The following PRKCE variants were observed in gnomAD, a reference collection of about 807,000 sequenced individuals.
The protein encoded by PRKCE is protein kinase C epsilon, also known as protein kinase C epsilon type.
A neutral mutation model predicts 85.4 loss-of-function variants in PRKCE; 16 were observed. That is an observed-to-expected ratio of 0.19 (90% CI 0.13 to 0.28). PRKCE has a LOEUF of 0.28. Among genes scored for constraint, PRKCE ranks in the 10% least tolerant of loss-of-function variants. The pLI, the probability that PRKCE is intolerant of heterozygous loss-of-function variation, is 1.00. For missense variants in PRKCE, 573 were observed against 975.2 expected (o/e 0.59, Z 5.49); for synonymous variants, 388 against 371.5 (o/e 1.04, Z -0.51).
In PRKCE at chr2:45,697,573, G is replaced by A. The variant is rs577859154; in HGVS notation, c.348+45125G>A. 6.6e-6 allele frequency among the ~76,000 whole-genome samples: 1 copy of A among 152,252 alleles called. No individual in the cohort carries two copies. The highest frequency in any genetic ancestry group is 1.9e-4 in the East Asian group (1 of 5,178). ...AGGGTGGACTGGTTGGCATCTCTAT[G>A]TGGGTGGCATCTCTAGCTCTTTCTT... On this transcript the variant is annotated intron_variant, in intron 1 of 14. Coordinates refer to ENST00000306156, the MANE Select transcript of PRKCE (RefSeq NM_005400.3). The surrounding 1 kb of genome is among the most constrained non-coding windows in gnomAD (Gnocchi z 4.2).
intron 10 of PRKCE, among the ~76,000 whole-genome samples, chr2:46,044,345 T>C (rs13420874): frequency 0.5 from 75,397 of 152,006 alleles, 19,523 homozygotes; most frequent in African/African-American, 0.64. Flanking sequence ...AAAGGAGATA[T>C]CAATATTGGC....
intron 11 of PRKCE, among the ~76,000 whole-genome samples, chr2:46,090,800 G>A (rs1346905893): frequency 6.6e-6 from 1 of 152,058 alleles, no homozygotes; most frequent in Non-Finnish European, 1.5e-5. Flanking sequence ...CTGTACATAT[G>A]TGTTTCTGCC....
intron 11 of PRKCE, among the ~76,000 whole-genome samples, chr2:46,111,729 C>T (rs1488678996): frequency 6.6e-6 from 1 of 152,192 alleles, no homozygotes; most frequent in Non-Finnish European, 1.5e-5. Context: ...TATTCACTCT[C>T]AGTTGATGGA....
chr2:45,683,564 C>T (rs372694539), intron 1 of PRKCE, among the ~76,000 whole-genome samples: 5 of 152,106 alleles, frequency 3.3e-5, no homozygotes, highest in African/African-American at 1.2e-4. Context: ...CTCTCAAGTA[C>T]CTTTGCTTCT....
At chr2:45,776,259 C>A (rs1420871570) in intron 1 of PRKCE, among the ~76,000 whole-genome samples, 1 of 152,218 alleles carries the variant, frequency 6.6e-6, no homozygotes, top group East Asian at 1.9e-4. Context: ...GAACACCCTC[C>A]TTAAACTCTC....
At chr2:46,175,824 C>G (rs1042418252) in intron 14 of PRKCE, among the ~76,000 whole-genome samples, 1 of 151,416 alleles carries the variant, frequency 6.6e-6, no homozygotes, top group Non-Finnish European at 1.5e-5. Context: ...TTGGAGGAGG[C>G]CAAATCTAGT....
chr2:45,822,396 A>T (rs184875069), intron 1 of PRKCE, among the ~76,000 whole-genome samples: 2 of 152,322 alleles, frequency 1.3e-5, no homozygotes, highest in East Asian at 3.9e-4. Flanking sequence ...CCCACAAGCA[A>T]CCCCAGCAGA....
chr2:46,018,860 G>A (rs191577282), intron 10 of PRKCE, among the ~76,000 whole-genome samples: 14 of 152,288 alleles, frequency 9.2e-5, no homozygotes, highest in Non-Finnish European at 1.5e-4. Context: ...ATCTGAGGGC[G>A]TCTCGTAGAC....
At chr2:45,944,739 C>CG (rs1296653162) in intron 2 of PRKCE, among the ~76,000 whole-genome samples, 3 of 141,298 alleles carry the variant, frequency 2.1e-5, no homozygotes, top group Non-Finnish European at 4.5e-5. Flanking sequence ...TGGGCTCAAG[C>CG]GATCCATCCA....
chr2:45,729,758 G>A (rs1558605288), intron 1 of PRKCE, among the ~76,000 whole-genome samples: 1 of 152,180 alleles, frequency 6.6e-6, no homozygotes, highest in Non-Finnish European at 1.5e-5. Context: ...CCTGTATGCT[G>A]ATGCTGATTA....
At chr2:46,115,553 A>C (rs181815574) in intron 11 of PRKCE, among the ~76,000 whole-genome samples, 1 of 152,186 alleles carries the variant, frequency 6.6e-6, no homozygotes, top group Non-Finnish European at 1.5e-5. Context: ...GGAAGCCTTT[A>C]TCATCTAATC....
rs113483431 is a variant in PRKCE, at chr2:45,707,312, G to A, written c.348+54864G>A. On this transcript the variant is annotated intron_variant, in intron 1 of 14. Coordinates refer to ENST00000306156, the MANE Select transcript of PRKCE (RefSeq NM_005400.3). ...TTCTGCTCATCAAGAGTGAGTCCTA[G>A]CCAAGATTGTAATTGTTACCAAACA... Among the ~76,000 whole-genome samples, 318 of 152,318 alleles carry A rather than the reference G, an allele frequency of 2.1e-3. 2 individuals carry two copies. Among genetic ancestry groups the A allele is most frequent in the Non-Finnish European group, 2.5e-3 (170 of 68,034 alleles).
Position 46,001,265 on chromosome 2 carries a change from A to T in PRKCE, c.824-139A>T, listed in dbSNP as rs1029104645. On this transcript the variant is annotated intron_variant, in intron 6 of 14. Coordinates refer to ENST00000306156, the MANE Select transcript of PRKCE (RefSeq NM_005400.3). The surrounding 1 kb of genome is among the most constrained non-coding windows in gnomAD (Gnocchi z 4.4). ...TATGATGGAAGACATATATATATAT[A>T]TATATATTTCTGTATTTTCCAAATT... 7 of 495,402 alleles carry T rather than the reference A, an allele frequency of 1.4e-5. No individual in the cohort carries two copies. In the African/African-American group the frequency reaches 1.5e-4, roughly 11 times the overall value. The allele number at this position is 495,402 out of a possible 1,614,324, so 30.7% of individuals were successfully genotyped here.
intron 11 of PRKCE, among the ~76,000 whole-genome samples, chr2:46,127,423 G>C (rs935859234): frequency 3.3e-5 from 5 of 152,238 alleles, no homozygotes; most frequent in Non-Finnish European, 5.9e-5. Context: ...TCAGCTTCCA[G>C]ATGTTCACAG....
intron 2 of PRKCE, among the ~76,000 whole-genome samples, chr2:45,914,275 A>G (rs1175475232): frequency 2.0e-5 from 3 of 152,242 alleles, no homozygotes; most frequent in Non-Finnish European, 4.4e-5. Flanking sequence ...AGTGTCTAGA[A>G]TAGCTAATAA....
intron 1 of PRKCE, among the ~76,000 whole-genome samples, chr2:45,730,832 A>G (rs1389482336): frequency 6.6e-6 from 1 of 152,178 alleles, no homozygotes; most frequent in Non-Finnish European, 1.5e-5. Context: ...TCCCAAGGAA[A>G]TTTCCATTAA....
chr2:45,735,407 C>G (rs1332464157), intron 1 of PRKCE, among the ~76,000 whole-genome samples: 3 of 152,230 alleles, frequency 2.0e-5, no homozygotes, highest in Non-Finnish European at 4.4e-5. Context: ...AGTTTGGGGT[C>G]AAGACCATAG....
intron 11 of PRKCE, among the ~76,000 whole-genome samples, chr2:46,115,320 G>A (rs765210653): frequency 2.0e-5 from 3 of 152,204 alleles, no homozygotes; most frequent in Non-Finnish European, 4.4e-5. Flanking sequence ...TGTGAAGCAG[G>A]GGGAGTGATT....
chr2:45,789,637 G>A (rs1686881178), intron 1 of PRKCE, among the ~76,000 whole-genome samples: 2 of 152,090 alleles, frequency 1.3e-5, no homozygotes, highest in Admixed American at 1.3e-4. Context: ...TCTCTGGTTG[G>A]GGGAAAGGGG....
Sources: gnomAD v4.1 joint callset for allele counts (sites outside exome capture counted in the v4.1 genomes callset) on GRCh38, gnomAD v4.1.1 for gene constraint, Gnocchi (gnomAD v3.1) non-coding constraint, MANE v1.5 for transcripts, NCBI Gene and HGNC (gene_info 2026-07-23, HGNC 2026-07-21) for gene names.